SEMA3A: variants seen among roughly 807,000 people sequenced by gnomAD.
SEMA3A encodes semaphorin-3A.
In SEMA3A, 29 loss-of-function variants were observed where a neutral mutation model predicts 97.9. The ratio of observed to expected loss-of-function variants is 0.30; its 90% CI spans 0.22 to 0.40. The LOEUF (loss-of-function observed/expected upper bound fraction) is 0.40. Among genes scored for constraint, SEMA3A ranks in the 10% least tolerant of loss-of-function variants. The pLI is 1.00. For missense variants in SEMA3A, 763 were observed against 951.3 expected, an observed-to-expected ratio of 0.80 and a Z score of 2.60; for synonymous variants, 321 against 323.7, an observed-to-expected ratio of 0.99 and a Z score of 0.09.
Position 84,166,865 on chromosome 7 carries a change from ACT to A in SEMA3A, c.112+27608_112+27609del, listed in dbSNP as rs1219579869. 3.0e-5 allele frequency among the ~76,000 whole-genome samples: 4 copies of A among 131,250 alleles called. No individual in the cohort carries two copies. In the East Asian group the frequency reaches 9.0e-4, roughly 30 times the overall value. 86.1% of individuals were successfully genotyped at this position (131,250 alleles called of 152,430 possible). On this transcript the variant is annotated intron_variant, in intron 1 of 16. Coordinates refer to ENST00000265362, the MANE Select transcript of SEMA3A (RefSeq NM_006080.3). ...ACTCCTGCCTGGACGACAGAGTGAAACTCTGTCCTCTGTCTCAAAAAAAAAAA... is the reference window on the plus strand; with the variant it reads ...ACTCCTGCCTGGACGACAGAGTGAAACTGTCCTCTGTCTCAAAAAAAAAAA...
intron 12 of SEMA3A, among the ~76,000 whole-genome samples, chr7:83,997,919 G>A (rs1361764371): frequency 6.6e-6 from 1 of 151,812 alleles, no homozygotes; most frequent in Non-Finnish European, 1.5e-5. Context: ...TGCATTTTTA[G>A]TAGAGACGGG....
chr7:84,353,071 T>TA (rs913908037), intron 2 of SEMA3A, among the ~76,000 whole-genome samples: 3 of 151,848 alleles, frequency 2.0e-5, no homozygotes, highest in Non-Finnish European at 4.4e-5. Flanking sequence ...GCATACAACT[T>TA]ACGCACATTC....
chr7:84,200,270 A>G (rs945256362), intron 3 of SEMA3A, among the ~76,000 whole-genome samples: 1 of 152,158 alleles, frequency 6.6e-6, no homozygotes, highest in Admixed American at 6.5e-5. Context: ...TTTCAAATGA[A>G]TTGATGTGAT....
intron 3 of SEMA3A, among the ~76,000 whole-genome samples, chr7:84,116,336 C>T (rs1177709958): frequency 6.6e-6 from 1 of 152,076 alleles, no homozygotes; most frequent in African/African-American, 2.4e-5. Context: ...ATACTCTTTT[C>T]CTTTTCTTTC....
chr7:84,027,497 A>T (rs1791591462), intron 6 of SEMA3A, among the ~76,000 whole-genome samples: 1 of 152,132 alleles, frequency 6.6e-6, no homozygotes, highest in Non-Finnish European at 1.5e-5. Flanking sequence ...AGCAATACAA[A>T]TCTGGGTTTC....
At chr7:84,010,960 G>A in intron 9 of SEMA3A, 62 bp downstream of exon 9, 2 of 1,245,240 alleles carry the variant, frequency 1.6e-6, no homozygotes, top group Admixed American at 2.2e-5. Context: ...TGCAAATTAT[G>A]AGTACTTGGA....
chr7:84,106,884 A>G (rs1292825112), intron 4 of SEMA3A, among the ~76,000 whole-genome samples: 1 of 152,214 alleles, frequency 6.6e-6, no homozygotes, highest in Admixed American at 6.5e-5. Context: ...CTTAATAAAA[A>G]CAACAAATGA....
chr7:84,005,241 AG>A, intron 11 of SEMA3A, 97 bp downstream of exon 11: 2 of 834,422 alleles, frequency 2.4e-6, no homozygotes, highest in Non-Finnish European at 4.1e-6. Flanking sequence ...AACTGCACAG[AG>A]GGTTGGCATC....
intron 1 of SEMA3A, among the ~76,000 whole-genome samples, chr7:84,443,332 C>A (rs1227892308): frequency 1.3e-5 from 2 of 152,124 alleles, no homozygotes; most frequent in Admixed American, 1.3e-4. Flanking sequence ...AAAATATACA[C>A]TTTATTTCTC....
chr7:84,253,145 A>C (rs1799645412), intron 3 of SEMA3A, among the ~76,000 whole-genome samples: 1 of 152,114 alleles, frequency 6.6e-6, no homozygotes, highest in East Asian at 1.9e-4. Flanking sequence ...CCCAAAGTGC[A>C]GAGATTACGG....
intron 6 of SEMA3A, among the ~76,000 whole-genome samples, chr7:84,024,226 C>G (rs1474334757): frequency 1.3e-5 from 2 of 151,888 alleles, no homozygotes; most frequent in African/African-American, 4.8e-5. Context: ...TTCTCCCAGT[C>G]ACTAGATTTG....
chr7:84,023,629 A>G (rs1248908424), intron 6 of SEMA3A, among the ~76,000 whole-genome samples: 1 of 152,210 alleles, frequency 6.6e-6, no homozygotes, highest in Non-Finnish European at 1.5e-5. Flanking sequence ...GGCGGAACAT[A>G]TAACCCCACT....
intron 1 of SEMA3A, among the ~76,000 whole-genome samples, chr7:84,435,755 A>G (rs991310269): frequency 6.6e-6 from 1 of 152,186 alleles, no homozygotes. Context: ...CACCCAAAGC[A>G]ATCTACAGAT....
At chr7:84,136,534 T>C (rs1390399766) in intron 1 of SEMA3A, among the ~76,000 whole-genome samples, 3 of 152,158 alleles carry the variant, frequency 2.0e-5, no homozygotes, top group Admixed American at 1.3e-4. Flanking sequence ...CTCCAACAGC[T>C]ACAGAATAGA....
intron 2 of SEMA3A, among the ~76,000 whole-genome samples, chr7:84,344,600 G>T (rs1341958399): frequency 6.6e-6 from 1 of 152,220 alleles, no homozygotes; most frequent in Non-Finnish European, 1.5e-5. Flanking sequence ...ACGGAAAAGA[G>T]AGAGATACAC....
At chr7:84,169,051 T>G (rs1416682825) in intron 1 of SEMA3A, among the ~76,000 whole-genome samples, 1 of 151,772 alleles carries the variant, frequency 6.6e-6, no homozygotes, top group East Asian at 1.9e-4. Context: ...TATTTTATTT[T>G]TTAACAATCT....
intron 4 of SEMA3A, among the ~76,000 whole-genome samples, chr7:84,077,733 A>G (rs1794003132): frequency 6.6e-6 from 1 of 152,082 alleles, no homozygotes; most frequent in African/African-American, 2.4e-5. Context: ...ATTCTTAGCG[A>G]TAATGCACAT....
intron 1 of SEMA3A, among the ~76,000 whole-genome samples, chr7:84,404,723 G>C (rs1249141362): frequency 1.3e-5 from 2 of 152,160 alleles, no homozygotes; most frequent in African/African-American, 2.4e-5. Context: ...AGCCAGAAGA[G>C]AGTGGGGGCC....
At chr7:84,447,415 C>T (rs146559464) in intron 1 of SEMA3A, among the ~76,000 whole-genome samples, 30 of 152,262 alleles carry the variant, frequency 2.0e-4, no homozygotes, top group Non-Finnish European at 4.0e-4. Context: ...CTGGTGGAGT[C>T]CCCCACACAG....
Sources: allele counts gnomAD v4.1 joint callset (sites outside exome capture counted in the v4.1 genomes callset), GRCh38; gene constraint gnomAD v4.1.1; transcripts MANE v1.5; gene names NCBI Gene and HGNC (gene_info 2026-07-23, HGNC 2026-07-21).